Variants in RASL12 observed in about 807,000 individuals in gnomAD.
The protein encoded by RASL12 is ras-like protein family member 12.
Under a neutral mutation model 22.9 loss-of-function variants are expected in RASL12, and 16 were observed. The observed-to-expected ratio is 0.70, with a 90% CI of 0.47 to 1.06. RASL12 has a LOEUF of 1.06. Among genes scored for constraint, RASL12 ranks in the 50% least tolerant of loss-of-function variants. RASL12 has a pLI of 0.00. For synonymous variants in RASL12, 159 were observed against 152.2 expected (o/e 1.04, Z -0.33); for missense variants, 306 against 353.1 (o/e 0.87, Z 1.07).
At chr15:65,055,369 G>T in intron 4 of RASL12, 95 bp from the exon 5 acceptor site, 2 of 1,127,668 alleles carry the variant, frequency 1.8e-6, no homozygotes, top group Non-Finnish European at 2.4e-6. Context: ...GGACTAGCTG[G>T]GTGGCCTGGG....
chr15:65,076,185 C>T (rs2086967602), intron 1 of RASL12, among the ~76,000 whole-genome samples: 1 of 152,242 alleles, frequency 6.6e-6, no homozygotes, highest in Admixed American at 6.5e-5. Context: ...TGGCAACCCG[C>T]TCATATCCCC....
At chr15:65,046,542 C>T in the RASL12 span, among the ~76,000 whole-genome samples, 123 of 152,248 alleles carry the variant, frequency 8.1e-4, no homozygotes, top group African/African-American at 2.9e-3. Flanking sequence ...ACTCTCGGTT[C>T]TGGATTTGTA....
intron 2 of RASL12, among the ~76,000 whole-genome samples, chr15:65,061,599 G>C (rs943922971): frequency 6.6e-6 from 1 of 152,156 alleles, no homozygotes; most frequent in Non-Finnish European, 1.5e-5. Context: ...CTAACACCTG[G>C]TTGTAATTAA....
chr15:65,053,544 A>C lies in RASL12; in HGVS notation c.*1355T>G. The C allele has an allele frequency of 9.8e-7, 1 of 1,018,908 alleles. No individual in the cohort carries two copies. The highest frequency in any genetic ancestry group is 1.2e-6 in the Non-Finnish European group (1 of 851,440). 63.1% of individuals were successfully genotyped at this position (1,018,908 alleles called of 1,614,324 possible). On this transcript the variant is annotated 3_prime_UTR_variant, in exon 5 of 5. Transcript: ENST00000220062. ...TTGAGTAGTTCACAGCCCCCCTCTG[A>C]CCTCAGCTCCTCCATTTACAGAATG...
At chr15:65,058,186 T>G (rs146104493) in intron 4 of RASL12, among the ~76,000 whole-genome samples, 197 of 152,292 alleles carry the variant, frequency 1.3e-3, no homozygotes, top group South Asian at 3.1e-3. Context: ...GGAGAATCAC[T>G]TGAACCCAGG....
intron 1 of RASL12, among the ~76,000 whole-genome samples, chr15:65,073,665 C>T (rs759888515): frequency 2.0e-5 from 3 of 152,174 alleles, no homozygotes; most frequent in Non-Finnish European, 4.4e-5. Context: ...GGCTGCATTC[C>T]AGGCCTAGGT....
intron 1 of RASL12, 79 bp from the exon 2 acceptor site, chr15:65,065,352 T>G: frequency 7.4e-7 from 1 of 1,345,940 alleles, no homozygotes; most frequent in East Asian, 2.4e-5. Context: ...GGAGGCCTTA[T>G]CTAACCTCTG....
downstream of RASL12, chr15:65,053,286 C>CTT (rs368374478): frequency 3.2e-5 from 34 of 1,067,220 alleles, no homozygotes; most frequent in South Asian, 8.7e-5. Context: ...TTCTTTCTTT[C>CTT]TTTTTTTTTT....
upstream of RASL12, among the ~76,000 whole-genome samples, chr15:65,068,461 G>A (rs968046817): frequency 1.8e-4 from 28 of 152,264 alleles, no homozygotes; most frequent in African/African-American, 6.3e-4. This position sits in a 1 kb window ranked among gnomAD's most constrained non-coding sequence, Gnocchi z 4.2. Context: ...AGACTCTAGA[G>A]GCCTCACTGC....
chr15:65,063,669 C>A (rs757782590), intron 2 of RASL12, among the ~76,000 whole-genome samples: 9 of 152,220 alleles, frequency 5.9e-5, no homozygotes, highest in Non-Finnish European at 1.3e-4. Flanking sequence ...CCCATGGGAA[C>A]CCCTTTGCTC....
upstream of RASL12, among the ~76,000 whole-genome samples, chr15:65,072,303 T>C (rs1359865509): frequency 2.6e-5 from 4 of 152,370 alleles, no homozygotes; most frequent in African/African-American, 9.6e-5. Flanking sequence ...CTTCCCAGGC[T>C]CACACAAGTG....
intron 1 of RASL12, among the ~76,000 whole-genome samples, chr15:65,074,765 C>G (rs1366046965): frequency 1.3e-5 from 2 of 152,238 alleles, no homozygotes; most frequent in Non-Finnish European, 2.9e-5. Context: ...TGGAAAGATG[C>G]AGGTGAAATG....
rs1356076770 is a variant in RASL12, at chr15:65,067,778, C to T, written c.58G>A (p.Glu20Lys). Residue 20 changes from glutamate (E) to lysine (K), a missense_variant, in exon 1 of 5, where the codon GAG (glutamate) becomes AAG (lysine). By Grantham distance (56) the Glu-to-Lys change is moderately conservative. Transcript: ENST00000220062. ...AGSGPQSAPL[E>K]VNLAILGRRG... is the part of the protein sequence containing the mutation. ...CGCCCCAGGATGGCCAGGTTGACCT[C>T]GAGGGGCGCGCTCTGAGGCCCGCTG... 2 of 1,582,062 alleles carry T rather than the reference C, an allele frequency of 1.3e-6. No individual in the cohort carries two copies. The highest frequency in any genetic ancestry group is 1.7e-5 in the Admixed American group (1 of 57,352).
chr15:65,056,093 G>T (rs1287787505), intron 4 of RASL12, among the ~76,000 whole-genome samples: 2 of 152,130 alleles, frequency 1.3e-5, no homozygotes, highest in African/African-American at 4.8e-5. Flanking sequence ...AAGAAGACTG[G>T]CCTTGCATAG....
intron 1 of RASL12, among the ~76,000 whole-genome samples, chr15:65,066,990 C>T (rs1301973685): frequency 1.3e-5 from 2 of 152,244 alleles, no homozygotes; most frequent in Non-Finnish European, 2.9e-5. Flanking sequence ...GATCTTGGCT[C>T]ATCAAGGACA....
chr15:65,046,182 T>C, the RASL12 span, among the ~76,000 whole-genome samples: 3 of 152,204 alleles, frequency 2.0e-5, no homozygotes, highest in Non-Finnish European at 4.4e-5. Flanking sequence ...GCACCTATAA[T>C]CCCAGCTACT....
chr15:65,055,425 G>T (rs778854388), intron 4 of RASL12, 151 bp from the exon 5 acceptor site: 68 of 660,754 alleles, frequency 1.0e-4, no homozygotes, highest in Non-Finnish European at 1.7e-4. Flanking sequence ...CAGTACAGTG[G>T]GTTACTGCCC....
chr15:65,057,675 G>A (rs2086749286), intron 4 of RASL12, among the ~76,000 whole-genome samples: 2 of 152,176 alleles, frequency 1.3e-5, no homozygotes, highest in South Asian at 4.1e-4. Flanking sequence ...AGAGTGGGAG[G>A]CTGCGTCTGG....
At chr15:65,050,374 C>T (rs1049390433), downstream of RASL12, among the ~76,000 whole-genome samples, 4 of 152,054 alleles carry the variant, frequency 2.6e-5, no homozygotes, top group Non-Finnish European at 5.9e-5. Flanking sequence ...AGCACTGGGG[C>T]GACAATAGTG....
Sources: allele counts gnomAD v4.1 joint callset (sites outside exome capture counted in the v4.1 genomes callset), GRCh38; gene constraint gnomAD v4.1.1; non-coding constraint Gnocchi (gnomAD v3.1); transcripts MANE v1.5; gene names NCBI Gene and HGNC (gene_info 2026-07-23, HGNC 2026-07-21).